Variants in FRMPD4 observed in about 807,000 individuals in gnomAD.
FRMPD4 encodes FERM and PDZ domain-containing protein 4.
Under a neutral mutation model 94.1 loss-of-function variants are expected in FRMPD4, and 22 were observed. The ratio of observed to expected loss-of-function variants is 0.23; its 90% CI spans 0.17 to 0.33. The LOEUF is 0.33. Among genes scored for constraint, FRMPD4 ranks in the 10% least tolerant of loss-of-function variants. FRMPD4 has a pLI of 1.00. For synonymous variants in FRMPD4, 631 were observed against 548.6 expected (o/e 1.15, Z -2.10); for missense variants, 1,111 against 1,339.9 (o/e 0.83, Z 2.67).
chrX:12,542,406 C>G (rs2058425107), intron 2 of FRMPD4, among the ~76,000 whole-genome samples: 2 of 112,356 alleles, frequency 1.8e-5, no homozygotes, highest in African/African-American at 6.5e-5. Flanking sequence ...GATACAAAAT[C>G]AATGCGCAAA....
chrX:12,581,304 T>G (rs1463326979), intron 2 of FRMPD4, among the ~76,000 whole-genome samples: 3 of 112,174 alleles, frequency 2.7e-5, no homozygotes, highest in Non-Finnish European at 5.6e-5. Flanking sequence ...TGAACCATTC[T>G]TAGAGAAGAT....
intron 1 of FRMPD4, among the ~76,000 whole-genome samples, chrX:12,466,197 T>C (rs1046806070): frequency 2.7e-5 from 3 of 112,314 alleles, no homozygotes; most frequent in Non-Finnish European, 5.6e-5. Context: ...TTTATCAGTA[T>C]AATCTCATTA....
intron 1 of FRMPD4, among the ~76,000 whole-genome samples, chrX:11,860,910 A>G (rs2053682744): frequency 8.9e-6 from 1 of 111,779 alleles, no homozygotes; most frequent in African/African-American, 3.2e-5. Context: ...TTTATTGAAA[A>G]GTTTACAAGG....
At chrX:11,870,248 C>T (rs1221935767) in intron 2 of FRMPD4, among the ~76,000 whole-genome samples, 1 of 111,727 alleles carries the variant, frequency 9.0e-6, no homozygotes, top group Non-Finnish European at 1.9e-5. Context: ...ATGATTACCC[C>T]AAATTCGGGA....
At chrX:12,041,073 C>T (rs898376280) in intron 3 of FRMPD4, among the ~76,000 whole-genome samples, 8 of 111,576 alleles carry the variant, frequency 7.2e-5, no homozygotes, top group African/African-American at 2.6e-4. Flanking sequence ...AGCAACTTTC[C>T]TTCAATACAG....
At chrX:12,708,916 G>A (rs1219398822) in intron 13 of FRMPD4, 3 of 113,793 alleles carry the variant, frequency 2.6e-5, no homozygotes, top group Non-Finnish European at 5.6e-5. Flanking sequence ...TTCATGGGCT[G>A]GATCCAGAGG....
chrX:12,374,884 T>C (rs2056213863), intron 1 of FRMPD4: 1 of 111,804 alleles, frequency 8.9e-6, no homozygotes, highest in African/African-American at 3.3e-5. Context: ...TCCCATTAGT[T>C]ACCCATTCTC....
chrX:12,633,979 A>C (rs1401417751), intron 4 of FRMPD4, among the ~76,000 whole-genome samples: 2 of 112,701 alleles, frequency 1.8e-5, no homozygotes, highest in Non-Finnish European at 3.7e-5. Flanking sequence ...ACAGAAAGGT[A>C]CAAAAAATTT....
chrX:12,571,647 T>A (rs901882589), intron 2 of FRMPD4, among the ~76,000 whole-genome samples: 2 of 112,966 alleles, frequency 1.8e-5, no homozygotes, highest in African/African-American at 6.4e-5. Flanking sequence ...TGTGGCCTCC[T>A]CTTTCTTCCC....
chrX:12,555,761 A>G (rs929336980), intron 2 of FRMPD4, among the ~76,000 whole-genome samples: 6 of 112,067 alleles, frequency 5.4e-5, no homozygotes, highest in African/African-American at 1.9e-4. Context: ...TAAAATACCT[A>G]GAGTACTCTG....
chrX:12,552,720 G>A (rs1390217972), intron 2 of FRMPD4, among the ~76,000 whole-genome samples: 1 of 112,091 alleles, frequency 8.9e-6, no homozygotes, highest in Non-Finnish European at 1.9e-5. Flanking sequence ...TGGTTCCAAA[G>A]TGAAATCTAT....
intron 1 of FRMPD4, among the ~76,000 whole-genome samples, chrX:12,454,547 C>A (rs1262702760): frequency 9.7e-6 from 1 of 102,569 alleles, no homozygotes; most frequent in Non-Finnish European, 2.0e-5. Context: ...TTTTTTTTTG[C>A]AAAGGAAAAT....
chrX:12,663,119 T>C (rs2059735816), intron 4 of FRMPD4, among the ~76,000 whole-genome samples: 1 of 112,442 alleles, frequency 8.9e-6, no homozygotes, highest in Non-Finnish European at 1.9e-5. Flanking sequence ...GTCAGATGCA[T>C]AGATTGCAAG....
chrX:12,279,223 C>A (rs981829053), intron 1 of FRMPD4, among the ~76,000 whole-genome samples: 18 of 112,246 alleles, frequency 1.6e-4, no homozygotes, highest in Non-Finnish European at 3.4e-4. Context: ...TGTAGTGCAC[C>A]CACCGTAACA....
intron 4 of FRMPD4, among the ~76,000 whole-genome samples, chrX:12,645,001 A>G (rs182117285): frequency 7.2e-5 from 8 of 111,605 alleles, no homozygotes; most frequent in Non-Finnish European, 1.3e-4. Flanking sequence ...TTAAAAACAT[A>G]TTTAGATGAT....
At chrX:11,943,416 T>C (rs947938281) in intron 3 of FRMPD4, among the ~76,000 whole-genome samples, 1 of 111,428 alleles carries the variant, frequency 9.0e-6, no homozygotes, top group African/African-American at 3.3e-5. Context: ...AATTTATTTC[T>C]TACAGTTCTG....
chrX:12,679,803 T>C (rs1163266791), intron 5 of FRMPD4, among the ~76,000 whole-genome samples: 3 of 111,810 alleles, frequency 2.7e-5, no homozygotes, highest in Non-Finnish European at 5.6e-5. Context: ...AAGCTCCAGT[T>C]GCCTATAATG....
intron 4 of FRMPD4, among the ~76,000 whole-genome samples, chrX:12,661,821 A>G (rs1370501387): frequency 8.9e-6 from 1 of 112,077 alleles, no homozygotes; most frequent in East Asian, 2.8e-4. Context: ...GCAAAGGTCA[A>G]CGAGATAAAG....
intron 3 of FRMPD4, among the ~76,000 whole-genome samples, chrX:11,997,097 G>C (rs765572363): frequency 9.0e-6 from 1 of 111,303 alleles, no homozygotes; most frequent in African/African-American, 3.3e-5. Context: ...TGCAAAAGGG[G>C]ATTTAACTAT....
Sources: allele counts gnomAD v4.1 joint callset (sites outside exome capture counted in the v4.1 genomes callset), GRCh38; gene constraint gnomAD v4.1.1; transcripts MANE v1.5; gene names NCBI Gene and HGNC (gene_info 2026-07-23, HGNC 2026-07-21).